TTC19: variants seen among roughly 807,000 people sequenced by gnomAD.
TTC19 encodes the protein tetratricopeptide repeat domain 19.
In TTC19, 38 loss-of-function variants were observed where a neutral mutation model predicts 49.5. The ratio of observed to expected loss-of-function variants is 0.77; its 90% CI spans 0.59 to 1.01. The LOEUF (loss-of-function observed/expected upper bound fraction) is 1.01, where lower values mean the gene tolerates loss of function less well. Ranked by LOEUF, TTC19 falls within the 50% of genes least tolerant of loss-of-function variation. The pLI, the probability that TTC19 is intolerant of heterozygous loss-of-function variation, is 0.00. For synonymous variants in TTC19, 204 were observed against 185.2 expected (o/e 1.10, Z -0.83); for missense variants, 475 against 477.7 (o/e 0.99, Z 0.05).
chr17:16,033,397 C>T (rs1052204133), downstream of TTC19, among the ~76,000 whole-genome samples: 1 of 149,162 alleles, frequency 6.7e-6, no homozygotes. Context: ...AATAATAAAT[C>T]TCATGTATGG....
At chr17:16,006,648 T>A in intron 7 of TTC19, 80 bp downstream of exon 7, 1 of 1,016,452 alleles carries the variant, frequency 9.8e-7, no homozygotes, top group Non-Finnish European at 1.5e-6. Flanking sequence ...GAAAGAGATC[T>A]AAATTGGGAA....
chr17:16,043,478 G>T, intron 2 of TTC19, among the ~76,000 whole-genome samples: 1 of 152,180 alleles, frequency 6.6e-6, no homozygotes, highest in East Asian at 1.9e-4. Context: ...TCCTGTTAAA[G>T]TTAGGTACTT....
Position 16,028,182 on chromosome 17 carries a change from T to C in TTC19, c.*660T>C, listed in dbSNP as rs1213697213. The stretch of plus-strand genomic sequence containing the variant: ...ATATAAAACTAAAAATGGGGGTGTT[T>C]ATATAAAACTAAAAACTAAGAATGA... On this transcript the variant is annotated 3_prime_UTR_variant, in exon 10 of 10. Coordinates refer to ENST00000261647, the MANE Select transcript of TTC19 (RefSeq NM_017775.4). The C allele has an allele frequency of 1.3e-5, 6 of 454,098 alleles. No homozygotes were observed. 28.1% of individuals were successfully genotyped at this position (454,098 alleles called of 1,614,324 possible).
intron 8 of TTC19, 95 bp from the exon 9 acceptor site, chr17:16,026,445 T>C: frequency 1.7e-6 from 2 of 1,161,768 alleles, no homozygotes; most frequent in Admixed American, 2.2e-5. Context: ...CTAGGAAAGA[T>C]GAAATCTTAT....
chr17:16,041,262 G>T (rs1454647437), intron 2 of TTC19: 4 of 152,180 alleles, frequency 2.6e-5, no homozygotes, highest in Admixed American at 6.5e-5. Flanking sequence ...TAATAAAGCA[G>T]TGTGCCAGAA....
intron 9 of TTC19, 131 bp downstream of exon 9, chr17:16,026,833 T>G: frequency 1.0e-6 from 1 of 982,252 alleles, no homozygotes. Context: ...ACTGGTTGAA[T>G]GGCAGAAAAA....
chr17:16,023,971 A>C (rs1170362658), intron 7 of TTC19: 1 of 152,230 alleles, frequency 6.6e-6, no homozygotes, highest in Non-Finnish European at 1.5e-5. Flanking sequence ...AGATTATCTA[A>C]GGTAACCTCT....
intron 2 of TTC19, chr17:16,039,463 T>C (rs758144713): frequency 1.9e-6 from 3 of 1,614,032 alleles, no homozygotes; most frequent in Non-Finnish European, 2.5e-6. Flanking sequence ...CCTTCCTCTC[T>C]TCGTGTCTCA....
chr17:16,037,956 C>T (rs1045896246), intron 2 of TTC19, among the ~76,000 whole-genome samples: 11 of 152,136 alleles, frequency 7.2e-5, no homozygotes, highest in African/African-American at 2.7e-4. Flanking sequence ...ACAACCAGTA[C>T]AATTGTAATT....
chr17:16,044,131 T>C (rs2058228036), intron 2 of TTC19, among the ~76,000 whole-genome samples: 1 of 133,968 alleles, frequency 7.5e-6, no homozygotes. Context: ...ATCGTGCCAC[T>C]GCACTCCAGC....
At chr17:16,023,394 A>C (rs1345108643) in intron 7 of TTC19, 1 of 152,194 alleles carries the variant, frequency 6.6e-6, no homozygotes, top group African/African-American at 2.4e-5. Context: ...GTTGCCACAA[A>C]ATATCTCGCT....
At chr17:16,035,412 T>TC (rs1369814097) in intron 2 of TTC19, among the ~76,000 whole-genome samples, 1 of 152,142 alleles carries the variant, frequency 6.6e-6, no homozygotes, top group Non-Finnish European at 1.5e-5. Context: ...AGATTCAATC[T>TC]CAAGAAACCA....
At chr17:16,005,829 G>A (rs1462218790) in intron 6 of TTC19, among the ~76,000 whole-genome samples, 1 of 152,178 alleles carries the variant, frequency 6.6e-6, no homozygotes, top group Non-Finnish European at 1.5e-5. Context: ...GTATTACTTT[G>A]AACAGGGGTA....
intron 8 of TTC19, among the ~76,000 whole-genome samples, chr17:16,025,826 G>A (rs547106807): frequency 6.6e-5 from 10 of 152,294 alleles, no homozygotes; most frequent in African/African-American, 2.4e-4. Flanking sequence ...GGGTACATGG[G>A]TAGGGTGAGT....
At chr17:16,026,490 C>A in intron 8 of TTC19, 50 bp from the exon 9 acceptor site, 1 of 1,575,416 alleles carries the variant, frequency 6.3e-7, no homozygotes, top group Non-Finnish European at 8.7e-7. Flanking sequence ...CATTAAAGTT[C>A]TGTGAAGGCA....
Position 16,028,052 on chromosome 17 carries a change from A to C in TTC19, c.*530A>C. 2.2e-6 allele frequency: 1 copy of C among 454,140 alleles called. No individual in the cohort carries two copies. Among genetic ancestry groups the C allele is most frequent in the East Asian group, 6.9e-5 (1 of 14,402 alleles). The allele number at this position is 454,140 out of a possible 1,614,324, so 28.1% of individuals were successfully genotyped here. On this transcript the variant is annotated 3_prime_UTR_variant, in exon 10 of 10. Transcript: ENST00000261647. Reference sequence around the variant, plus strand: ...AATACATAAAAGAGAAAAATATCTTAGTTTGCTACCAGCATCCAGCATGAA... The same window carrying C: ...AATACATAAAAGAGAAAAATATCTTCGTTTGCTACCAGCATCCAGCATGAA...
chr17:16,030,984 A>G (rs116576373), downstream of TTC19: 1,461 of 196,990 alleles, frequency 7.4e-3, 27 homozygotes, highest in African/African-American at 0.032. Context: ...CAAAACTGTT[A>G]GTATCTATGT....
intron 7 of TTC19, among the ~76,000 whole-genome samples, chr17:16,013,700 A>G (rs1418559485): frequency 6.6e-6 from 1 of 152,208 alleles, no homozygotes; most frequent in African/African-American, 2.4e-5. Context: ...TATTTGAGTT[A>G]TATGGTAGGA....
intron 9 of TTC19, chr17:16,027,011 TCA>T (rs1381120385): frequency 5.0e-5 from 26 of 521,072 alleles, no homozygotes; most frequent in African/African-American, 3.1e-4. Flanking sequence ...AATGTGTTTC[TCA>T]CAGTGTGCTG....
Sources: gnomAD v4.1 joint callset for allele counts (sites outside exome capture counted in the v4.1 genomes callset) on GRCh38, gnomAD v4.1.1 for gene constraint, MANE v1.5 for transcripts, NCBI Gene and HGNC (gene_info 2026-07-23, HGNC 2026-07-21) for gene names.